FBXO7: variants seen among roughly 807,000 people sequenced by gnomAD.
FBXO7 encodes F-box protein 7, also known as F-box only protein 7.
A neutral mutation model predicts 50.2 loss-of-function variants in FBXO7; 31 were observed. That is an observed-to-expected ratio of 0.62 (90% CI 0.46 to 0.83). The LOEUF is 0.83. Among genes scored for constraint, FBXO7 ranks in the 40% least tolerant of loss-of-function variants. FBXO7 has a pLI of 0.00. For synonymous variants in FBXO7, 256 were observed against 253.1 expected (o/e 1.01, Z -0.11); for missense variants, 667 against 646.6 (o/e 1.03, Z -0.34).
intron 1 of FBXO7, among the ~76,000 whole-genome samples, chr22:32,477,832 G>A (rs192212168): frequency 2.4e-4 from 37 of 152,250 alleles, no homozygotes; most frequent in Admixed American, 2.2e-3. Flanking sequence ...TACTTTATTT[G>A]CCAGTGTTGA....
In FBXO7 at chr22:32,480,176, T is replaced by C. The variant is rs187937107; in HGVS notation, c.417+901T>C. On this transcript the variant is annotated intron_variant, in intron 2 of 8. Transcript: ENST00000266087. Reference sequence around the variant, plus strand: ...TCTTCCTACATGGTTCTGATGCTATTGTTCCCTTGCTGTCTTTCATAACTC... The same window carrying C: ...TCTTCCTACATGGTTCTGATGCTATCGTTCCCTTGCTGTCTTTCATAACTC... 5.9e-5 allele frequency among the ~76,000 whole-genome samples: 9 copies of C among 152,328 alleles called. No individual in the cohort carries two copies. The East Asian group carries it at 1.7e-3, about 29-fold the overall frequency.
At chr22:32,475,330 G>A (rs756571413) in intron 1 of FBXO7, 3 of 1,608,176 alleles carry the variant, frequency 1.9e-6, no homozygotes, top group Non-Finnish European at 2.5e-6. Context: ...GGGAAGCGCG[G>A]GTGGTCGGCT....
At chr22:32,484,192 A>C (rs972418747) in intron 3 of FBXO7, 68 bp downstream of exon 3, 4 of 1,375,178 alleles carry the variant, frequency 2.9e-6, no homozygotes, top group Non-Finnish European at 4.2e-6. Context: ...CCTGCTCTCA[A>C]GTTGCCCGTA....
chr22:32,475,036 T>G lies in FBXO7; in HGVS notation c.34T>G (p.Trp12Gly). Reference sequence around the variant, plus strand: ...GCGGGTGCGGCTTCTGAAGCGGACCTGGCCGCTGGAGGTGCCCGAGACGGA... The same window carrying G: ...GCGGGTGCGGCTTCTGAAGCGGACCGGGCCGCTGGAGGTGCCCGAGACGGA... ...RLRVRLLKRTWPLEVPETEPT... is the reference protein window; with the variant it reads ...RLRVRLLKRTGPLEVPETEPT... The change falls in exon 1 of 9, where the codon TGG (tryptophan) becomes GGG (glycine). Residue 12 changes from tryptophan to glycine, a missense_variant. By Grantham distance (184) the Trp-to-Gly change is radical. Coordinates refer to ENST00000266087, the MANE Select transcript of FBXO7 (RefSeq NM_012179.4). The G allele has an allele frequency of 6.5e-7, 1 of 1,542,724 alleles. No homozygotes were observed. Among genetic ancestry groups the G allele is most frequent in the Non-Finnish European group, 8.7e-7 (1 of 1,145,646 alleles).
At chr22:32,492,907 T>TC (rs2057546543) in intron 6 of FBXO7, 198 bp from the exon 7 acceptor site, 1 of 632,172 alleles carries the variant, frequency 1.6e-6, no homozygotes, top group Non-Finnish European at 2.8e-6. Context: ...GGCCTAGAGT[T>TC]ATATGAGTTA....
At position 32,474,955 on chromosome 22, in the gene FBXO7, C is replaced by A. The variant is rs1361051461; in HGVS notation, c.-48C>A. On this transcript the variant is annotated 5_prime_UTR_variant, in exon 1 of 9. Transcript: ENST00000266087. ...GGAGCTGCTCGGCCCCGCCGCCGTC[C>A]CCGTCGCCGCTTCCGGGTCCAGGCC... 2 of 1,506,014 alleles carry A rather than the reference C, an allele frequency of 1.3e-6. No homozygotes were observed. The highest frequency in any genetic ancestry group is 4.2e-5 in the Admixed American group (2 of 48,004). The allele number at this position is 1,506,014 out of a possible 1,614,324, so 93.3% of individuals were successfully genotyped here. A position where few individuals can be genotyped will look rare whatever the true frequency, so the allele number is the denominator to read the frequency against.
chr22:32,485,090 C>G lies in FBXO7; in HGVS notation c.668C>G (p.Ser223Cys), dbSNP rs1375352881. Residue 223 changes from serine (S) to cysteine (C), a missense_variant, in exon 4 of 9, where the codon TCC becomes TGC. Coordinates refer to ENST00000266087, the MANE Select transcript of FBXO7 (RefSeq NM_012179.4). ...CAGGGCACCGAAGCCAAAGCACTGTCCATGCCGGAGAAGTGGAAGTTGAGC... is the reference window on the plus strand; with the variant it reads ...CAGGGCACCGAAGCCAAAGCACTGTGCATGCCGGAGAAGTGGAAGTTGAGC... ...IPQGTEAKAL[S>C]MPEKWKLSGV... 3.1e-6 allele frequency: 5 copies of G among 1,614,166 alleles called. No homozygotes were observed. Among genetic ancestry groups the G allele is most frequent in the Non-Finnish European group, 4.2e-6 (5 of 1,180,030 alleles).
intron 7 of FBXO7, among the ~76,000 whole-genome samples, chr22:32,494,136 TGTA>T (rs1016122764): frequency 7.4e-5 from 11 of 148,266 alleles, no homozygotes; most frequent in Admixed American, 4.7e-4. Context: ...AAGAATATCA[TGTA>T]GAGTCATTTG....
intron 8 of FBXO7, among the ~76,000 whole-genome samples, chr22:32,497,427 A>G (rs1417871190): frequency 2.0e-5 from 3 of 152,156 alleles, no homozygotes; most frequent in Non-Finnish European, 4.4e-5. Context: ...ACTTAAAATA[A>G]TGGCCTCCAG....
At position 32,498,524 on chromosome 22, in the gene FBXO7, C is replaced by T; in HGVS notation, c.1563C>T (p.Phe521=). ...RGRPTDGRLS[F]M ...GGCCAACTGATGGCCGGCTGTCATT[C>T]ATGTGATTGATTTGTAATTTCATTT... The change falls in exon 9 of 9, where the codon TTC becomes TTT. Residue 521 remains phenylalanine, a synonymous_variant. Transcript: ENST00000266087. The T allele has an allele frequency of 6.2e-7, 1 of 1,612,754 alleles. No homozygotes were observed. Among genetic ancestry groups the T allele is most frequent in the Non-Finnish European group, 8.5e-7 (1 of 1,179,972 alleles).
intron 1 of FBXO7, among the ~76,000 whole-genome samples, chr22:32,476,489 T>C (rs1484484848): frequency 6.6e-6 from 1 of 152,218 alleles, no homozygotes; most frequent in Non-Finnish European, 1.5e-5. Context: ...AGATTTCTTT[T>C]TACAGTTGAG....
intron 1 of FBXO7, among the ~76,000 whole-genome samples, chr22:32,476,442 A>G (rs760363230): frequency 6.6e-5 from 10 of 152,210 alleles, no homozygotes; most frequent in Non-Finnish European, 1.2e-4. Context: ...GTGAAACTCA[A>G]TATGACTGCC....
Position 32,491,585 on chromosome 22 carries a change from ATAGACATATATTTAGATATATATG to A in FBXO7, c.967+406_967+429del, listed in dbSNP as rs1568978021. ...CATATATTTAGATATATATGTCTAT[ATAGACATATATTTAGATATATATG>A]TCTATATAGACATATATAAATAATA... On this transcript the variant is annotated intron_variant, in intron 6 of 8. Transcript: ENST00000266087. 1.4e-4 allele frequency: 12 copies of A among 85,520 alleles called. 1 individual carries two copies. The East Asian group carries it at 3.5e-3, about 25-fold the overall frequency. 5.3% of individuals were successfully genotyped at this position (85,520 alleles called of 1,614,324 possible).
At chr22:32,479,987 A>T (rs943637585) in intron 2 of FBXO7, among the ~76,000 whole-genome samples, 1 of 152,202 alleles carries the variant, frequency 6.6e-6, no homozygotes, top group African/African-American at 2.4e-5. Context: ...GTTGAACATA[A>T]ATTTGGAAAT....
At position 32,492,952 on chromosome 22, in the gene FBXO7, G is replaced by T; in HGVS notation, c.968-153G>T. ...ATAGTCAAGCTGGGGTTAAAAATTTGTTGTAGATGATGCATACTTGGGGAT... is the reference window on the plus strand; with the variant it reads ...ATAGTCAAGCTGGGGTTAAAAATTTTTTGTAGATGATGCATACTTGGGGAT... On this transcript the variant is annotated intron_variant, in intron 6 of 8. Coordinates refer to ENST00000266087, the MANE Select transcript of FBXO7 (RefSeq NM_012179.4). The T allele has an allele frequency of 5.4e-6, 4 of 745,258 alleles. No homozygotes were observed. In the South Asian group the frequency reaches 5.9e-5, roughly 11 times the overall value. The allele number at this position is 745,258 out of a possible 1,614,324, so 46.2% of individuals were successfully genotyped here. A position where few individuals can be genotyped will look rare whatever the true frequency, so the allele number is the denominator to read the frequency against.
chr22:32,479,199 G>T lies in FBXO7; in HGVS notation c.341G>T (p.Ser114Ile), dbSNP rs1210327021. 1.2e-6 allele frequency: 2 copies of T among 1,613,934 alleles called. No homozygotes were observed. Among genetic ancestry groups the T allele is most frequent in the Admixed American group, 3.3e-5 (2 of 59,992 alleles). Residue 114 changes from serine to isoleucine, a missense_variant, in exon 2 of 9, where the codon AGC becomes ATC. Transcript: ENST00000266087. ...TTGGCCACCAGCTCCAATCAGACTA[G>T]CATGCAGGATGAACAACCAAGTGAT... Reference protein sequence around the residue: ...PSLATSSNQTSMQDEQPSDSF... With the variant: ...PSLATSSNQTIMQDEQPSDSF...
rs771482489 is a variant in FBXO7 at position 32,479,142 on chromosome 22, A to G, written c.284A>G (p.His95Arg). ...PNIPSSTDSE[H>R]SSLQNNEQPS... ...ATACCTTCATCCACAGATTCAGAGCATTCTTCACTCCAGAATAATGAGCAA... is the reference window on the plus strand; with the variant it reads ...ATACCTTCATCCACAGATTCAGAGCGTTCTTCACTCCAGAATAATGAGCAA... The change falls in exon 2 of 9, where the codon CAT becomes CGT. Residue 95 changes from histidine (H) to arginine (R), a missense_variant. Coordinates refer to ENST00000266087, the MANE Select transcript of FBXO7 (RefSeq NM_012179.4). 2.5e-6 allele frequency: 4 copies of G among 1,614,068 alleles called. No homozygotes were observed. The East Asian group carries it at 6.7e-5, about 27-fold the overall frequency.
rs937602255 is a variant in FBXO7 at position 32,474,972 on chromosome 22, G to C, written c.-31G>C. The C allele has an allele frequency of 1.3e-6, 2 of 1,527,616 alleles. No homozygotes were observed. Among genetic ancestry groups the C allele is most frequent in the Admixed American group, 2.0e-5 (1 of 50,518 alleles). The allele number at this position is 1,527,616 out of a possible 1,614,324, so 94.6% of individuals were successfully genotyped here. A position where few individuals can be genotyped will look rare whatever the true frequency, so the allele number is the denominator to read the frequency against. The stretch of plus-strand genomic sequence containing the variant: ...CCGCCGTCCCCGTCGCCGCTTCCGG[G>C]TCCAGGCCCCTCGGGCCGCCTGCCG... On this transcript the variant is annotated 5_prime_UTR_variant, in exon 1 of 9. Transcript: ENST00000266087.
At chr22:32,496,421 G>A (rs1352772025) in intron 8 of FBXO7, among the ~76,000 whole-genome samples, 1 of 152,146 alleles carries the variant, frequency 6.6e-6, no homozygotes, top group East Asian at 1.9e-4. Context: ...GGTGGAGGTT[G>A]CAGTGAGCCA....
Sources: allele counts gnomAD v4.1 joint callset (sites outside exome capture counted in the v4.1 genomes callset), GRCh38; gene constraint gnomAD v4.1.1; transcripts MANE v1.5; gene names NCBI Gene and HGNC (gene_info 2026-07-23, HGNC 2026-07-21).